The following ECPAS variants were observed in gnomAD, a reference collection of about 807,000 sequenced individuals.
ECPAS encodes the protein proteasome adapter and scaffold protein ECM29.
In ECPAS, 70 loss-of-function variants were observed where a neutral mutation model predicts 255.1. The ratio of observed to expected loss-of-function variants is 0.27; its 90% CI spans 0.23 to 0.33. The LOEUF (loss-of-function observed/expected upper bound fraction) is 0.33. ECPAS is among the 10% of genes least tolerant of loss of function. The pLI is 1.00. For synonymous variants in ECPAS, 784 were observed against 775.0 expected (o/e 1.01, Z -0.19); for missense variants, 1,817 against 2,206.4 (o/e 0.82, Z 3.54).
intron 2 of ECPAS, among the ~76,000 whole-genome samples, chr9:111,458,537 G>T (rs1286363818): frequency 6.6e-6 from 1 of 150,938 alleles, no homozygotes; most frequent in Non-Finnish European, 1.5e-5. Context: ...TACGCTAAGA[G>T]ATAACTCAGG....
At chr9:111,406,721 C>T (rs1186763840) in intron 24 of ECPAS, among the ~76,000 whole-genome samples, 2 of 148,870 alleles carry the variant, frequency 1.3e-5, no homozygotes, top group Admixed American at 1.3e-4. Context: ...CTAGGCCACA[C>T]AGGGATACCC....
At position 111,407,097 on chromosome 9, in the gene ECPAS, T is replaced by C. The variant is rs1280326444; in HGVS notation, c.2652+1474A>G. ...AGTAAGTTAAGAATCCAGACGAGCC[T>C]TCATTAAAAAAAAAACAAAACAGGC... On this transcript the variant is annotated intron_variant, in intron 24 of 49. Transcript: ENST00000684092. Among the ~76,000 whole-genome samples the C allele has an allele frequency of 1.4e-5, 2 of 146,126 alleles. 1 individual carries two copies. Among genetic ancestry groups the C allele is most frequent in the African/African-American group, 5.3e-5 (2 of 37,440 alleles).
At chr9:111,410,393 A>G (rs1403905735) in intron 22 of ECPAS, among the ~76,000 whole-genome samples, 180 bp from the exon 23 acceptor site, 2 of 152,204 alleles carry the variant, frequency 1.3e-5, no homozygotes, top group African/African-American at 4.8e-5. Context: ...AACAGGGGAT[A>G]GAGTAGTATT....
intron 9 of ECPAS, among the ~76,000 whole-genome samples, chr9:111,430,111 AT>A (rs1217926791): frequency 6.6e-6 from 1 of 152,252 alleles, no homozygotes; most frequent in Admixed American, 6.5e-5. Flanking sequence ...TGGTTAAAAA[AT>A]ATCAAAGGAA....
chr9:111,473,314 AATAT>A (rs1189886472), intron 1 of ECPAS, among the ~76,000 whole-genome samples: 2 of 152,212 alleles, frequency 1.3e-5, no homozygotes, highest in Non-Finnish European at 2.9e-5. Context: ...ATATATCATA[AATAT>A]ATAAACTGTT....
chr9:111,384,462 T>C (rs755533051), intron 34 of ECPAS, 60 bp downstream of exon 34: 106 of 1,445,670 alleles, frequency 7.3e-5, no homozygotes, highest in Non-Finnish European at 9.8e-5. Flanking sequence ...AAGTAAATCA[T>C]TGTCATGGTC....
chr9:111,375,299 G>A (rs887394038), intron 37 of ECPAS, 97 bp from the exon 38 acceptor site: 2 of 813,982 alleles, frequency 2.5e-6, no homozygotes, highest in Admixed American at 3.9e-5. Flanking sequence ...GTACCAACTG[G>A]ATTTGACATG....
chr9:111,401,221 G>A (rs963169025), intron 24 of ECPAS, among the ~76,000 whole-genome samples: 72 of 152,274 alleles, frequency 4.7e-4, no homozygotes, highest in African/African-American at 1.7e-3. Flanking sequence ...TTTCAATGTA[G>A]GTTCTTTTCT....
chr9:111,396,795 G>A (rs982195991), intron 25 of ECPAS, among the ~76,000 whole-genome samples: 9 of 151,960 alleles, frequency 5.9e-5, no homozygotes, highest in Non-Finnish European at 1.2e-4. Context: ...CAGGTGATTC[G>A]CTCACCTCGG....
rs2098201365 is a variant in ECPAS at position 111,415,205 on chromosome 9, A to G, written c.1765-554T>C. ...TAAAATAAAAGTTAAAAATTATAAT[A>G]AAAATCATTATTTTTTAAAAGCCGT... is the stretch of plus-strand genomic sequence containing the variant. On this transcript the variant is annotated intron_variant, in intron 18 of 49. Transcript: ENST00000684092. 2.0e-5 allele frequency among the ~76,000 whole-genome samples: 3 copies of G among 151,496 alleles called. No individual in the cohort carries two copies. The South Asian group carries it at 6.3e-4, about 32-fold the overall frequency.
At position 111,413,948 on chromosome 9, in the gene ECPAS, C is replaced by T; in HGVS notation, c.2026G>A (p.Val676Met). 6.3e-7 allele frequency: 1 copy of T among 1,589,524 alleles called. No homozygotes were observed. Among genetic ancestry groups the T allele is most frequent in the Non-Finnish European group, 8.6e-7 (1 of 1,166,740 alleles). Reference sequence around the variant, plus strand: ...TTGGTAGCCAGCTTTTCTGGATACACTGACACAGCTTCCAATAGACAGTAC... The same window carrying T: ...TTGGTAGCCAGCTTTTCTGGATACATTGACACAGCTTCCAATAGACAGTAC... ...VMYCLLEAVS[V>M]YPEKLATKFV... Residue 676 changes from valine (V) to methionine (M), a missense_variant, in exon 20 of 50, where the codon GTG becomes ATG. Coordinates refer to ENST00000684092, the MANE Select transcript of ECPAS (RefSeq NM_001364929.1).
rs757169769 is a variant in ECPAS at position 111,363,556 on chromosome 9, T to C, written c.5380+32A>G. On this transcript the variant is annotated intron_variant, in intron 49 of 49. Coordinates refer to ENST00000684092, the MANE Select transcript of ECPAS (RefSeq NM_001364929.1). ...CTAAAACATATGCCACATGGCTTTA[T>C]GGTCCCCCAGTCAGAACTAACAACA... The C allele has an allele frequency of 5.3e-6, 7 of 1,332,800 alleles. No homozygotes were observed. The East Asian group carries it at 1.4e-4, about 27-fold the overall frequency. 82.6% of individuals were successfully genotyped at this position (1,332,800 alleles called of 1,614,324 possible). A position where few individuals can be genotyped will look rare whatever the true frequency, so the allele number is the denominator to read the frequency against.
intron 48 of ECPAS, among the ~76,000 whole-genome samples, chr9:111,365,387 T>C (rs1243135447): frequency 1.3e-5 from 2 of 151,816 alleles, no homozygotes; most frequent in East Asian, 3.9e-4. Context: ...CATTACTGGC[T>C]GGGTGTGGTG....
At chr9:111,398,332 C>T (rs1260340093) in intron 24 of ECPAS, among the ~76,000 whole-genome samples, 1 of 152,152 alleles carries the variant, frequency 6.6e-6, no homozygotes, top group Non-Finnish European at 1.5e-5. Context: ...ATTTTATGTA[C>T]CTGTACCTGT....
At chr9:111,381,766 T>C (rs2098140809) in intron 35 of ECPAS, among the ~76,000 whole-genome samples, 1 of 152,200 alleles carries the variant, frequency 6.6e-6, no homozygotes, top group Non-Finnish European at 1.5e-5. Flanking sequence ...TTTTTTCATA[T>C]CAAGTATCCA....
At chr9:111,462,401 C>A (rs1466638447) in intron 2 of ECPAS, among the ~76,000 whole-genome samples, 2 of 151,980 alleles carry the variant, frequency 1.3e-5, no homozygotes, top group Non-Finnish European at 2.9e-5. Flanking sequence ...CACTTCCAAG[C>A]AAATTGAACT....
Position 111,372,465 on chromosome 9 carries a change from T to C in ECPAS, c.4492A>G (p.Asn1498Asp), listed in dbSNP as rs2098128650. 3.7e-6 allele frequency: 6 copies of C among 1,613,874 alleles called. No homozygotes were observed. The highest frequency in any genetic ancestry group is 1.3e-5 in the African/African-American group (1 of 75,044). ...TCCTGCCACACTTCGGTCCATAAAT[T>C]ACATTCTTCTTTTTCGGATTTCTCC... ...DEEKSEKEEC[N>D]LWTEVWQENV... Residue 1498 changes from asparagine to aspartate, a missense_variant, in exon 42 of 50, where the codon AAT (asparagine) becomes GAT (aspartate). Asn to Asp is a conservative substitution (Grantham distance 23). This residue lies in a region of ECPAS where 960 missense variants were observed against 1,179.0 expected (regional missense o/e 0.81). Transcript: ENST00000684092.
chr9:111,483,518 G>A lies in ECPAS; in HGVS notation c.-83+598C>T, dbSNP rs1466465941. 3 of 979,046 alleles carry A rather than the reference G, an allele frequency of 3.1e-6. No individual in the cohort carries two copies. In the East Asian group the frequency reaches 3.4e-4, roughly 113 times the overall value. The allele number at this position is 979,046 out of a possible 1,614,324, so 60.6% of individuals were successfully genotyped here. A position where few individuals can be genotyped will look rare whatever the true frequency, so the allele number is the denominator to read the frequency against. On this transcript the variant is annotated intron_variant, in intron 1 of 49. Coordinates refer to ENST00000684092, the MANE Select transcript of ECPAS (RefSeq NM_001364929.1). The stretch of plus-strand genomic sequence containing the variant: ...GCGGCACTTACTCAGCTCATCCTGG[G>A]AGGCGGAGGCGGCGGCCGCAGCCAT...
intron 2 of ECPAS, among the ~76,000 whole-genome samples, chr9:111,461,891 T>C (rs1243747817): frequency 1.3e-5 from 2 of 152,162 alleles, no homozygotes. Flanking sequence ...GGACAGCTTG[T>C]ACAGGCAAAC....
Sources: gnomAD v4.1 joint callset for allele counts (sites outside exome capture counted in the v4.1 genomes callset) on GRCh38, gnomAD v4.1.1 for gene constraint, gnomAD v4.1.1 regional missense constraint, MANE v1.5 for transcripts, NCBI Gene and HGNC (gene_info 2026-07-23, HGNC 2026-07-21) for gene names.